ADAMTSL1: variants seen among roughly 807,000 people sequenced by gnomAD.
ADAMTSL1 encodes ADAMTS-like protein 1.
ADAMTSL1 carries 126 observed loss-of-function variants against 201.8 expected under a neutral mutation model. That is an observed-to-expected ratio of 0.62 (90% CI 0.54 to 0.72). ADAMTSL1 has a LOEUF of 0.72. Ranked by LOEUF, ADAMTSL1 falls within the 30% of genes least tolerant of loss-of-function variation. The pLI is 0.00. For synonymous variants in ADAMTSL1, 1,121 were observed against 903.4 expected (o/e 1.24, Z -4.32); for missense variants, 2,679 against 2,277.8 (o/e 1.18, Z -3.59).
chr9:18,210,978 A>C (rs1829849402), intron 2 of ADAMTSL1, among the ~76,000 whole-genome samples: 1 of 152,060 alleles, frequency 6.6e-6, no homozygotes, highest in African/African-American at 2.4e-5. Context: ...TTAAAAAAAA[A>C]AAGGTGACAG....
At chr9:18,239,504 C>T (rs1334087074) in intron 2 of ADAMTSL1, among the ~76,000 whole-genome samples, 1 of 151,934 alleles carries the variant, frequency 6.6e-6, no homozygotes, top group Non-Finnish European at 1.5e-5. Context: ...TTTGGGAGGC[C>T]GAGGCAAGTG....
intron 1 of ADAMTSL1, among the ~76,000 whole-genome samples, chr9:18,064,062 A>AAC (rs1563978181): frequency 6.6e-6 from 1 of 152,202 alleles, no homozygotes; most frequent in East Asian, 1.9e-4. Context: ...AAATAAAAGA[A>AAC]ACAGGGAAAC....
At chr9:18,555,085 G>A (rs1249216994) in intron 3 of ADAMTSL1, among the ~76,000 whole-genome samples, 1 of 151,800 alleles carries the variant, frequency 6.6e-6, no homozygotes, top group African/African-American at 2.4e-5. Flanking sequence ...CCTTAGTTTG[G>A]TGTTTTTTAG....
At chr9:18,387,381 C>T (rs1837844526) in intron 2 of ADAMTSL1, among the ~76,000 whole-genome samples, 1 of 151,652 alleles carries the variant, frequency 6.6e-6, no homozygotes, top group Non-Finnish European at 1.5e-5. Flanking sequence ...TCATCCCCTT[C>T]CTTCCTCCTA....
chr9:17,908,224 T>A (rs980043066), intron 1 of ADAMTSL1, among the ~76,000 whole-genome samples: 2 of 152,144 alleles, frequency 1.3e-5, no homozygotes, highest in East Asian at 3.9e-4. Flanking sequence ...TATCAGCAAG[T>A]TGTATTCCCA....
At chr9:18,200,789 A>G (rs565153959) in intron 2 of ADAMTSL1, among the ~76,000 whole-genome samples, 1 of 152,086 alleles carries the variant, frequency 6.6e-6, no homozygotes, top group East Asian at 1.9e-4. Flanking sequence ...TAAAAAACAT[A>G]CCTCTTTTTC....
intron 14 of ADAMTSL1, chr9:18,718,420 C>G: frequency 1.5e-6 from 1 of 662,860 alleles, no homozygotes. Flanking sequence ...TAAGAATCTT[C>G]TATCATAGGA....
chr9:18,218,544 T>A (rs1275520761), intron 2 of ADAMTSL1, among the ~76,000 whole-genome samples: 3 of 152,204 alleles, frequency 2.0e-5, no homozygotes, highest in Non-Finnish European at 4.4e-5. Flanking sequence ...CTGGAGAACT[T>A]CATGCTTGTT....
intron 2 of ADAMTSL1, among the ~76,000 whole-genome samples, chr9:18,445,578 G>A (rs1232263881): frequency 2.0e-5 from 3 of 151,916 alleles, no homozygotes; most frequent in Non-Finnish European, 4.4e-5. Flanking sequence ...GTAAACTGAA[G>A]ACTTAAAAAT....
chr9:18,124,100 T>TTTC (rs35497297), intron 1 of ADAMTSL1, among the ~76,000 whole-genome samples: 6 of 119,782 alleles, frequency 5.0e-5, no homozygotes, highest in Non-Finnish European at 1.1e-4. Flanking sequence ...TTTTTTTTTT[T>TTTC]GAGATGGAGT....
intron 13 of ADAMTSL1, among the ~76,000 whole-genome samples, chr9:18,694,228 G>C (rs534507128): frequency 1.3e-5 from 2 of 152,170 alleles, no homozygotes; most frequent in Admixed American, 1.3e-4. Context: ...CAGGAGATTT[G>C]GGCAAGGACA....
intron 2 of ADAMTSL1, among the ~76,000 whole-genome samples, chr9:18,317,660 T>A (rs1399113465): frequency 6.6e-6 from 1 of 152,222 alleles, no homozygotes; most frequent in African/African-American, 2.4e-5. Flanking sequence ...GTCCCCATCT[T>A]CACCAGACTA....
intron 2 of ADAMTSL1, among the ~76,000 whole-genome samples, chr9:18,460,021 G>A (rs1820749795): frequency 6.6e-6 from 1 of 152,132 alleles, no homozygotes; most frequent in Admixed American, 6.5e-5. Flanking sequence ...AATAGACATA[G>A]TAACAGGAAA....
chr9:18,322,873 A>T (rs1361345139), intron 2 of ADAMTSL1, among the ~76,000 whole-genome samples: 1 of 152,254 alleles, frequency 6.6e-6, no homozygotes, highest in East Asian at 1.9e-4. Flanking sequence ...GAAAAAATAA[A>T]TAGAAAATAT....
At chr9:18,468,685 C>T (rs1413081990) in intron 2 of ADAMTSL1, among the ~76,000 whole-genome samples, 1 of 152,186 alleles carries the variant, frequency 6.6e-6, no homozygotes, top group Non-Finnish European at 1.5e-5. Context: ...ATAAATGCAA[C>T]AGCTAAGATT....
chr9:18,546,596 TCACTGTTTTACA>T (rs1820485020), intron 3 of ADAMTSL1, among the ~76,000 whole-genome samples: 1 of 152,168 alleles, frequency 6.6e-6, no homozygotes, highest in Non-Finnish European at 1.5e-5. Flanking sequence ...AAGAAAGATA[TCACTGTTTTACA>T]ATGTGTAATT....
At chr9:18,765,875 C>T (rs1820327974) in intron 16 of ADAMTSL1, among the ~76,000 whole-genome samples, 1 of 152,132 alleles carries the variant, frequency 6.6e-6, no homozygotes, top group South Asian at 2.1e-4. Context: ...GCTTTGACTA[C>T]TCTAGGTAGG....
At chr9:18,810,317 C>G (rs1217008494) in intron 20 of ADAMTSL1, among the ~76,000 whole-genome samples, 1 of 152,088 alleles carries the variant, frequency 6.6e-6, no homozygotes, top group Admixed American at 6.5e-5. Flanking sequence ...AAGTTTCTGC[C>G]CTTGAACACA....
At chr9:18,335,685 A>T (rs1394973822) in intron 2 of ADAMTSL1, among the ~76,000 whole-genome samples, 1 of 152,142 alleles carries the variant, frequency 6.6e-6, no homozygotes, top group African/African-American at 2.4e-5. Context: ...TAAATCTTCA[A>T]AAACAAAAAT....
Sources: allele counts gnomAD v4.1 joint callset (sites outside exome capture counted in the v4.1 genomes callset), GRCh38; gene constraint gnomAD v4.1.1; transcripts MANE v1.5; gene names NCBI Gene and HGNC (gene_info 2026-07-23, HGNC 2026-07-21).